The following BTBD7 variants were observed in gnomAD, a reference collection of about 807,000 sequenced individuals.
BTBD7 encodes the protein BTB domain containing 7, also known as BTB/POZ domain-containing protein 7.
Under a neutral mutation model 99.9 loss-of-function variants are expected in BTBD7, and 38 were observed. The ratio of observed to expected loss-of-function variants is 0.38; its 90% CI spans 0.29 to 0.50. BTBD7 has a LOEUF of 0.50. BTBD7 is among the 20% of genes least tolerant of loss of function. The pLI is 0.93. For synonymous variants in BTBD7, 520 were observed against 511.4 expected, an observed-to-expected ratio of 1.02 and a Z score of -0.23; for missense variants, 1,170 against 1,394.6, an observed-to-expected ratio of 0.84 and a Z score of 2.57.
chr14:93,242,526 G>C lies in BTBD7; in HGVS notation c.3146C>G (p.Thr1049Ser), dbSNP rs2052244767. Residue 1049 changes from threonine to serine, a missense_variant, in exon 11 of 11, where the codon ACC (threonine) becomes AGC (serine). Transcript: ENST00000334746. ...TCGTCCCCTGACATGGGCTGGACCGGTACTAGCATTTTCTGGGGCTGCCAA... is the reference window on the plus strand; with the variant it reads ...TCGTCCCCTGACATGGGCTGGACCGCTACTAGCATTTTCTGGGGCTGCCAA... ...FPLAAPENAS[T>S]GPAHVRGRTA... 3.7e-6 allele frequency: 6 copies of C among 1,614,236 alleles called. No homozygotes were observed. Among genetic ancestry groups the C allele is most frequent in the Non-Finnish European group, 4.2e-6 (5 of 1,180,044 alleles).
intron 1 of BTBD7, among the ~76,000 whole-genome samples, chr14:93,302,001 G>T (rs1406532949): frequency 6.6e-6 from 1 of 152,200 alleles, no homozygotes; most frequent in African/African-American, 2.4e-5. Context: ...TGCAGGCTGG[G>T]CTGGGCAAAG....
Position 93,238,024 on chromosome 14 carries a change from G to A in BTBD7, c.*4249C>T, listed in dbSNP as rs1386055062. On this transcript the variant is annotated 3_prime_UTR_variant, in exon 11 of 11. Coordinates refer to ENST00000334746, the MANE Select transcript of BTBD7 (RefSeq NM_001002860.4). ...ACCTTTATCTCTCAGCCACCCCATC[G>A]AAGAGCAGGACTTGGTACCGCCTGC... 3.3e-5 allele frequency: 5 copies of A among 152,362 alleles called. No individual in the cohort carries two copies. Among genetic ancestry groups the A allele is most frequent in the Admixed American group, 6.6e-5 (1 of 15,264 alleles). 9.4% of individuals were successfully genotyped at this position (152,362 alleles called of 1,614,324 possible).
rs1025601274 is a variant in BTBD7 at position 93,296,221 on chromosome 14, T to C, written c.-106-64A>G. 7 of 1,212,632 alleles carry C rather than the reference T, an allele frequency of 5.8e-6. No homozygotes were observed. The African/African-American group carries it at 1.1e-4, about 19-fold the overall frequency. The allele number at this position is 1,212,632 out of a possible 1,614,324, so 75.1% of individuals were successfully genotyped here. On this transcript the variant is annotated intron_variant, in intron 1 of 10. Coordinates refer to ENST00000334746, the MANE Select transcript of BTBD7 (RefSeq NM_001002860.4). ...AGTGTATCTCAGATCACAGTTTTTT[T>C]TAAAAAGCTACTGAAAACTGCTTTC...
chr14:93,247,982 G>A (rs973318365), intron 9 of BTBD7, among the ~76,000 whole-genome samples: 3 of 152,172 alleles, frequency 2.0e-5, no homozygotes, highest in African/African-American at 7.2e-5. Flanking sequence ...GTGTAAGTGA[G>A]GAAGTAGACC....
chr14:93,331,880 C>CCCCG (rs1555394539), intron 1 of BTBD7, among the ~76,000 whole-genome samples: 1 of 75,052 alleles, frequency 1.3e-5, no homozygotes, highest in African/African-American at 6.2e-5. Flanking sequence ...GACTCCGTCT[C>CCCCG]CCCCCCCCCA....
At chr14:93,271,018 G>A (rs1236047768) in intron 3 of BTBD7, among the ~76,000 whole-genome samples, 1 of 152,302 alleles carries the variant, frequency 6.6e-6, no homozygotes, top group Non-Finnish European at 1.5e-5. Flanking sequence ...CAGTAGGAAT[G>A]AATGACCAAG....
chr14:93,243,159 G>C (rs887589760), intron 10 of BTBD7, 71 bp from the exon 11 acceptor site: 1 of 1,351,044 alleles, frequency 7.4e-7, no homozygotes, highest in African/African-American at 1.5e-5. Flanking sequence ...GATGTTCACT[G>C]ATTTTGTTTC....
chr14:93,280,890 G>A (rs2052711282), intron 3 of BTBD7, among the ~76,000 whole-genome samples: 1 of 149,330 alleles, frequency 6.7e-6, no homozygotes, highest in African/African-American at 2.5e-5. Context: ...CTGTCATCCA[G>A]GCTGAATCAC....
At chr14:93,248,989 A>C (rs1425277622) in intron 8 of BTBD7, among the ~76,000 whole-genome samples, 1 of 152,184 alleles carries the variant, frequency 6.6e-6, no homozygotes, top group Admixed American at 6.5e-5. Flanking sequence ...TTATTCAAAT[A>C]ATTTTTTGAG....
intron 1 of BTBD7, among the ~76,000 whole-genome samples, chr14:93,325,215 G>A (rs2053316615): frequency 2.0e-5 from 3 of 148,472 alleles, no homozygotes; most frequent in Middle Eastern, 6.9e-3. Flanking sequence ...TTGGGGACAA[G>A]CGATTCTCCC....
At chr14:93,272,918 T>C (rs1330808228) in intron 3 of BTBD7, among the ~76,000 whole-genome samples, 1 of 152,186 alleles carries the variant, frequency 6.6e-6, no homozygotes, top group Non-Finnish European at 1.5e-5. Context: ...ACTCTTGTAC[T>C]GCTCCCCCTC....
intron 1 of BTBD7, among the ~76,000 whole-genome samples, chr14:93,328,912 A>AGAT (rs1175104987): frequency 6.6e-6 from 1 of 152,176 alleles, no homozygotes; most frequent in Non-Finnish European, 1.5e-5. Flanking sequence ...CCCAGAACCT[A>AGAT]TCTATCTTTA....
At chr14:93,323,686 CAT>C (rs1483522216) in intron 1 of BTBD7, among the ~76,000 whole-genome samples, 1 of 152,170 alleles carries the variant, frequency 6.6e-6, no homozygotes, top group African/African-American at 2.4e-5. Flanking sequence ...AGGAGACTGA[CAT>C]AGTTTTTATC....
chr14:93,321,020 G>A (rs1056732915), intron 1 of BTBD7, among the ~76,000 whole-genome samples: 3 of 152,150 alleles, frequency 2.0e-5, no homozygotes, highest in Non-Finnish European at 4.4e-5. Context: ...ATACCGTTAC[G>A]CAGTATAGGG....
rs139697239 is a variant in BTBD7, at chr14:93,313,239, T to C, written c.-106-17082A>G. Among the ~76,000 whole-genome samples the C allele has an allele frequency of 2.0e-5, 3 of 152,366 alleles. No individual in the cohort carries two copies. The East Asian group carries it at 5.8e-4, about 29-fold the overall frequency. On this transcript the variant is annotated intron_variant, in intron 1 of 10. Coordinates refer to ENST00000334746, the MANE Select transcript of BTBD7 (RefSeq NM_001002860.4). ...AATTATAAGTAAGAGAATGTGGACC[T>C]GTAGTTAAAAATAGTCTTTTCCCTT...
chr14:93,282,505 G>T (rs2139743095), intron 3 of BTBD7, among the ~76,000 whole-genome samples: 1 of 152,006 alleles, frequency 6.6e-6, no homozygotes, highest in Middle Eastern at 3.4e-3. Context: ...GCTAATTTTT[G>T]TATTTTTAGT....
intron 1 of BTBD7, among the ~76,000 whole-genome samples, chr14:93,305,477 A>G (rs1314335078): frequency 1.3e-5 from 2 of 152,222 alleles, no homozygotes; most frequent in Non-Finnish European, 2.9e-5. Context: ...GTCTCTTATG[A>G]AAAACAAGAA....
Position 93,263,911 on chromosome 14 carries a change from A to C in BTBD7, c.1245T>G (p.Ser415=). 1 of 1,614,204 alleles carries C rather than the reference A, an allele frequency of 6.2e-7. No homozygotes were observed. The change falls in exon 4 of 11, where the codon TCT becomes TCG. Residue 415 remains serine (S), a synonymous_variant. Transcript: ENST00000334746. ...ILKWSSHPYG[S]KWVHRQALHF... ...GTAAAGCTTGTCGGTGCACCCATTT[A>C]GAGCCATATGGATGAGAACTCCACT...
intron 1 of BTBD7, among the ~76,000 whole-genome samples, chr14:93,320,066 G>A (rs969790885): frequency 3.3e-5 from 5 of 152,180 alleles, no homozygotes; most frequent in African/African-American, 1.2e-4. Flanking sequence ...GTGAAAACTT[G>A]GAGAGAACAG....
Sources: gnomAD v4.1 joint callset for allele counts (sites outside exome capture counted in the v4.1 genomes callset) on GRCh38, gnomAD v4.1.1 for gene constraint, MANE v1.5 for transcripts, NCBI Gene and HGNC (gene_info 2026-07-23, HGNC 2026-07-21) for gene names.